ROCK1: variants seen among roughly 807,000 people sequenced by gnomAD.
ROCK1 encodes rho-associated protein kinase 1.
In ROCK1, 36 loss-of-function variants were observed where a neutral mutation model predicts 196.8. The ratio of observed to expected loss-of-function variants is 0.18; its 90% CI spans 0.14 to 0.24. The LOEUF (loss-of-function observed/expected upper bound fraction) is 0.24, where lower values mean the gene tolerates loss of function less well. Ranked by LOEUF, ROCK1 falls within the 10% of genes least tolerant of loss-of-function variation. The pLI is 1.00. For missense variants in ROCK1, 920 were observed against 1,562.0 expected, an observed-to-expected ratio of 0.59 and a Z score of 6.93; for synonymous variants, 443 against 515.9, an observed-to-expected ratio of 0.86 and a Z score of 1.91.
intron 22 of ROCK1, among the ~76,000 whole-genome samples, chr18:20,973,332 C>T (rs2035448073): frequency 1.3e-5 from 2 of 152,050 alleles, no homozygotes; most frequent in Non-Finnish European, 2.9e-5. Context: ...GGCTGGAGTG[C>T]AATGGCGCAA....
In ROCK1 at chr18:21,111,420, G is replaced by C. The variant is rs1198317093; in HGVS notation, c.-510C>G. 7 of 351,012 alleles carry C rather than the reference G, an allele frequency of 2.0e-5. No individual in the cohort carries two copies. The highest frequency in any genetic ancestry group is 3.1e-5 in the Non-Finnish European group (6 of 195,308). The allele number at this position is 351,012 out of a possible 1,614,324, so 21.7% of individuals were successfully genotyped here. A position where few individuals can be genotyped will look rare whatever the true frequency, so the allele number is the denominator to read the frequency against. ...GGCCGGGCCCGCTCCGCTCAGAGGC[G>C]CTGTAGACGGTCTAGCCCCGCGTCC... On this transcript the variant is annotated 5_prime_UTR_variant, in exon 1 of 33. Transcript: ENST00000399799. This position sits in a 1 kb window ranked among gnomAD's most constrained non-coding sequence, Gnocchi z 4.2.
rs541871610 is a variant in ROCK1, at chr18:21,017,846, G to A, written c.1361+2305C>T. On this transcript the variant is annotated intron_variant, in intron 12 of 32. Coordinates refer to ENST00000399799, the MANE Select transcript of ROCK1 (RefSeq NM_005406.3). ...AAATTAGCCAGGCATGGTGGCGGGCGCCTGTAGTCCCAGCTACTCGGGAGG... is the reference window on the plus strand; with the variant it reads ...AAATTAGCCAGGCATGGTGGCGGGCACCTGTAGTCCCAGCTACTCGGGAGG... Among the ~76,000 whole-genome samples the A allele has an allele frequency of 1.4e-3, 218 of 151,770 alleles. 1 individual carries two copies. Among genetic ancestry groups the A allele is most frequent in the Admixed American group, 4.1e-3 (63 of 15,266 alleles).
intron 19 of ROCK1, among the ~76,000 whole-genome samples, chr18:20,986,613 G>A (rs2035580396): frequency 6.6e-6 from 1 of 152,122 alleles, no homozygotes; most frequent in African/African-American, 2.4e-5. Flanking sequence ...TAAGAGCAAT[G>A]CTCTTTTCTT....
In ROCK1 at chr18:21,110,931, G is replaced by A; in HGVS notation, c.-21C>T. The stretch of plus-strand genomic sequence containing the variant: ...GACATGTTGCTGCTGCTGTGACAAT[G>A]CCCTCTTACCAGCACCAGCAGCGGA... On this transcript the variant is annotated 5_prime_UTR_variant, in exon 1 of 33. Coordinates refer to ENST00000399799, the MANE Select transcript of ROCK1 (RefSeq NM_005406.3). 17 of 1,592,410 alleles carry A rather than the reference G, an allele frequency of 1.1e-5. No individual in the cohort carries two copies. The highest frequency in any genetic ancestry group is 1.5e-5 in the Non-Finnish European group (17 of 1,160,464).
At chr18:20,976,089 C>T (rs1259289702) in intron 22 of ROCK1, among the ~76,000 whole-genome samples, 3 of 152,138 alleles carry the variant, frequency 2.0e-5, no homozygotes, top group Non-Finnish European at 4.4e-5. Flanking sequence ...GTCTTCTGAT[C>T]CTACACTATG....
intron 4 of ROCK1, among the ~76,000 whole-genome samples, chr18:21,045,899 GTTTTTTTTTTTTTT>G (rs34360056): frequency 0.035 from 2,171 of 62,656 alleles, 45 homozygotes; most frequent in Middle Eastern, 0.078. Context: ...AGTTTCAGCT[GTTTTTTTTTTTTTT>G]TTTTTTTTTT....
At chr18:21,083,811 C>G (rs2036502597) in intron 1 of ROCK1, among the ~76,000 whole-genome samples, 1 of 152,138 alleles carries the variant, frequency 6.6e-6, no homozygotes, top group Non-Finnish European at 1.5e-5. Flanking sequence ...CAGTCAACAG[C>G]AGGCTATTAG....
intron 22 of ROCK1, among the ~76,000 whole-genome samples, chr18:20,972,597 G>T (rs1178417870): frequency 6.6e-6 from 1 of 152,174 alleles, no homozygotes; most frequent in East Asian, 1.9e-4. Flanking sequence ...GTTCAATAAG[G>T]AAAATACAGC....
chr18:21,046,114 G>A (rs2036155935), intron 4 of ROCK1, among the ~76,000 whole-genome samples: 1 of 151,906 alleles, frequency 6.6e-6, no homozygotes, highest in African/African-American at 2.4e-5. Context: ...GTTTCACCGT[G>A]TTAGCCAGGA....
intron 1 of ROCK1, among the ~76,000 whole-genome samples, chr18:21,071,872 G>A (rs1426982405): frequency 2.0e-5 from 3 of 152,182 alleles, no homozygotes; most frequent in African/African-American, 7.2e-5. Context: ...TTTGTAAAAT[G>A]AGGGATAATG....
At chr18:21,079,441 T>C (rs1171891392) in intron 1 of ROCK1, among the ~76,000 whole-genome samples, 1 of 152,214 alleles carries the variant, frequency 6.6e-6, no homozygotes, top group Non-Finnish European at 1.5e-5. Flanking sequence ...TCTATATACC[T>C]ATCAGGGTCA....
intron 23 of ROCK1, chr18:20,969,417 T>C (rs575082808): frequency 1.3e-5 from 5 of 395,474 alleles, no homozygotes; most frequent in African/African-American, 2.1e-5. Flanking sequence ...TGTATGCATA[T>C]AGATATATGT....
intron 1 of ROCK1, among the ~76,000 whole-genome samples, chr18:21,077,787 G>C (rs1287585657): frequency 1.3e-5 from 2 of 152,086 alleles, no homozygotes; most frequent in Non-Finnish European, 2.9e-5. Context: ...TGGTAAAGGA[G>C]TACCCCAGCA....
At position 21,008,114 on chromosome 18, in the gene ROCK1, C is replaced by T; in HGVS notation, c.1491G>A (p.Glu497=). 4 of 1,602,872 alleles carry T rather than the reference C, an allele frequency of 2.5e-6. No homozygotes were observed. The highest frequency in any genetic ancestry group is 2.3e-5 in the East Asian group (1 of 44,258). Residue 497 remains glutamate (E), a synonymous_variant, in exon 14 of 33, where the codon GAG becomes GAA. Transcript: ENST00000399799. ...TTTCCTGTTCAGCTTTTCTTTGGTA[C>T]TCATTAATTCTATGCTGTAGCAACA... ...EKMLLQHRIN[E]YQRKAEQENE...
chr18:21,023,196 T>C (rs2035928702), intron 11 of ROCK1, among the ~76,000 whole-genome samples: 1 of 152,092 alleles, frequency 6.6e-6, no homozygotes. Flanking sequence ...TATGTGAAGG[T>C]GCTTAATGCC....
chr18:21,016,463 A>T (rs377719441), intron 12 of ROCK1, among the ~76,000 whole-genome samples: 1 of 152,228 alleles, frequency 6.6e-6, no homozygotes, highest in Non-Finnish European at 1.5e-5. Context: ...GTATATATCA[A>T]ATCAGTAAAG....
intron 19 of ROCK1, 60 bp downstream of exon 19, chr18:20,986,890 A>C: frequency 7.0e-7 from 1 of 1,419,726 alleles, no homozygotes. Flanking sequence ...AACTCCAGTC[A>C]TAACTTATAT....
intron 2 of ROCK1, among the ~76,000 whole-genome samples, chr18:21,058,651 G>A (rs773892095): frequency 6.6e-6 from 1 of 152,074 alleles, no homozygotes. Context: ...TGCAATCTCA[G>A]CTCACTGCAA....
rs1302913391 is a variant in ROCK1 at position 21,028,624 on chromosome 18, A to G, written c.1211+152T>C. On this transcript the variant is annotated intron_variant, in intron 10 of 32. Coordinates refer to ENST00000399799, the MANE Select transcript of ROCK1 (RefSeq NM_005406.3). ...CATGGATGAGTCCAAGAGAAATTAA[A>G]TATGAAATACTGGAAATATCATGCA... is the stretch of plus-strand genomic sequence containing the variant. 6 of 729,958 alleles carry G rather than the reference A, an allele frequency of 8.2e-6. No homozygotes were observed. In the East Asian group the frequency reaches 1.8e-4, roughly 22 times the overall value. 45.2% of individuals were successfully genotyped at this position (729,958 alleles called of 1,614,324 possible).
Sources: gnomAD v4.1 joint callset for allele counts (sites outside exome capture counted in the v4.1 genomes callset) on GRCh38, gnomAD v4.1.1 for gene constraint, Gnocchi (gnomAD v3.1) non-coding constraint, MANE v1.5 for transcripts, NCBI Gene and HGNC (gene_info 2026-07-23, HGNC 2026-07-21) for gene names.